Variants in PPP1R42 observed in about 807,000 individuals in gnomAD.
PPP1R42 encodes leucine rich repeat containing 67.
Under a neutral mutation model 31.0 loss-of-function variants are expected in PPP1R42, and 34 were observed. That is an observed-to-expected ratio of 1.10 (90% CI 0.83 to 1.46). The LOEUF (loss-of-function observed/expected upper bound fraction) is 1.46. PPP1R42 is among the 40% of genes most tolerant of loss of function. The probability of loss-of-function intolerance (pLI) is 0.00; values close to 1 mark genes in which losing one functional copy is unlikely to be tolerated. For synonymous variants in PPP1R42, 103 were observed against 109.8 expected, an observed-to-expected ratio of 0.94 and a Z score of 0.39; for missense variants, 268 against 303.0, an observed-to-expected ratio of 0.88 and a Z score of 0.86.
Position 67,028,474 on chromosome 8 carries a change from C to T in PPP1R42, c.-85+17G>A, listed in dbSNP as rs1471662765. On this transcript the variant is annotated intron_variant, in intron 1 of 7. Transcript: ENST00000685739. ...GGTTTCCTCGGTCCCCACGCTTATT[C>T]CCCGCGGGCAGCTCACCGCTCGCGG... 2 of 985,254 alleles carry T rather than the reference C, an allele frequency of 2.0e-6. No individual in the cohort carries two copies. The highest frequency in any genetic ancestry group is 1.7e-5 in the African/African-American group (1 of 57,252). 61.0% of individuals were successfully genotyped at this position (985,254 alleles called of 1,614,324 possible).
intron 5 of PPP1R42, among the ~76,000 whole-genome samples, chr8:67,001,708 A>G (rs1815496867): frequency 6.6e-6 from 1 of 152,220 alleles, no homozygotes; most frequent in Non-Finnish European, 1.5e-5. Context: ...ACAACAATAT[A>G]CCACTATTTT....
At chr8:66,993,956 G>T (rs1378626172) in intron 5 of PPP1R42, among the ~76,000 whole-genome samples, 1 of 152,152 alleles carries the variant, frequency 6.6e-6, no homozygotes, top group Non-Finnish European at 1.5e-5. Flanking sequence ...GCTAATTAGA[G>T]GTGCTGCAGA....
intron 5 of PPP1R42, among the ~76,000 whole-genome samples, chr8:66,993,481 T>A (rs1027368665): frequency 6.6e-6 from 1 of 152,232 alleles, no homozygotes; most frequent in Non-Finnish European, 1.5e-5. Context: ...ATCCCTCATA[T>A]TTGCCATGCT....
chr8:67,002,889 C>G (rs79219890), intron 5 of PPP1R42, among the ~76,000 whole-genome samples: 4,450 of 151,142 alleles, frequency 0.029, 77 homozygotes, highest in Non-Finnish European at 0.046. Context: ...CTTGGTGGCC[C>G]ACGCCTGTAA....
chr8:67,006,560 T>G (rs1232610396), intron 5 of PPP1R42, among the ~76,000 whole-genome samples: 2 of 152,060 alleles, frequency 1.3e-5, no homozygotes, highest in Non-Finnish European at 2.9e-5. Flanking sequence ...AGAGAAAAGG[T>G]CTTCTTGTGT....
intron 5 of PPP1R42, among the ~76,000 whole-genome samples, chr8:66,997,638 C>T (rs1378820146): frequency 6.6e-6 from 1 of 151,304 alleles, no homozygotes; most frequent in African/African-American, 2.4e-5. Flanking sequence ...CCACGACCTC[C>T]AGGGCTCATG....
At chr8:66,973,139 G>T (rs1364019465) in intron 7 of PPP1R42, among the ~76,000 whole-genome samples, 1 of 151,974 alleles carries the variant, frequency 6.6e-6, no homozygotes, top group African/African-American at 2.4e-5. Context: ...TTCTAATTCT[G>T]AGTGCTTTCC....
At position 67,010,094 on chromosome 8, in the gene PPP1R42, C is replaced by A. The variant is rs565101906; in HGVS notation, c.552+621G>T. ...ATCACAATACTTATAAAAACAGTAT[C>A]ATATTGTAGTCCCATTACTAGTTGA... is the stretch of plus-strand genomic sequence containing the variant. On this transcript the variant is annotated intron_variant, in intron 5 of 7. Transcript: ENST00000685739. Among the ~76,000 whole-genome samples the A allele has an allele frequency of 7.2e-5, 11 of 152,316 alleles. No individual in the cohort carries two copies. In the South Asian group the frequency reaches 2.3e-3, roughly 32 times the overall value.
intron 2 of PPP1R42, among the ~76,000 whole-genome samples, chr8:67,017,285 A>G (rs2129537035): frequency 6.6e-6 from 1 of 152,120 alleles, no homozygotes; most frequent in South Asian, 2.1e-4. Context: ...GAGCTCAAGA[A>G]CTCAACATGG....
chr8:67,006,679 A>AT (rs1236309049), intron 5 of PPP1R42, among the ~76,000 whole-genome samples: 4 of 100,616 alleles, frequency 4.0e-5, no homozygotes, highest in Non-Finnish European at 6.1e-5. Flanking sequence ...TTGCTTATGT[A>AT]TTTTTTTTAA....
chr8:66,978,493 G>A (rs1254306529), intron 7 of PPP1R42, among the ~76,000 whole-genome samples: 2 of 152,076 alleles, frequency 1.3e-5, no homozygotes, highest in South Asian at 2.1e-4. Context: ...GCAGTGGTGC[G>A]ATCTCAGCTC....
At chr8:66,985,847 G>T in intron 6 of PPP1R42, 1 of 1,202,364 alleles carries the variant, frequency 8.3e-7, no homozygotes, top group Non-Finnish European at 1.2e-6. Flanking sequence ...TGGAGGCCCA[G>T]GGATCACCTC....
At chr8:66,975,947 T>G (rs1334073437) in intron 7 of PPP1R42, among the ~76,000 whole-genome samples, 1 of 152,120 alleles carries the variant, frequency 6.6e-6, no homozygotes. Flanking sequence ...AGTGCAGGGG[T>G]CCCCAACCCC....
In PPP1R42 at chr8:66,976,342, A is replaced by G. The variant is rs558733444; in HGVS notation, c.802+5707T>C. ...CAATGTTAATAGAAATAAAGTGCAC[A>G]ATAAATGTAATGTACTTGTATCATC... On this transcript the variant is annotated intron_variant, in intron 7 of 7. Transcript: ENST00000685739. Among the ~76,000 whole-genome samples the G allele has an allele frequency of 1.5e-4, 23 of 152,330 alleles. 1 individual carries two copies. In the South Asian group the frequency reaches 3.9e-3, roughly 26 times the overall value.
At chr8:66,974,064 C>G (rs1814607005) in intron 7 of PPP1R42, among the ~76,000 whole-genome samples, 1 of 152,168 alleles carries the variant, frequency 6.6e-6, no homozygotes, top group South Asian at 2.1e-4. Flanking sequence ...ACTGATGTCT[C>G]TTGGAAATCC....
intron 3 of PPP1R42, 117 bp from the exon 4 acceptor site, chr8:67,013,213 T>G: frequency 2.6e-6 from 2 of 763,206 alleles, no homozygotes; most frequent in Non-Finnish European, 4.0e-6. Flanking sequence ...AAATGTGGAA[T>G]GTTGTGTTAT....
chr8:66,986,587 G>A (rs1004802045), intron 6 of PPP1R42, among the ~76,000 whole-genome samples: 1 of 152,186 alleles, frequency 6.6e-6, no homozygotes, highest in East Asian at 1.9e-4. Flanking sequence ...CAGAGCGCAT[G>A]CGTCGCAGAA....
intron 7 of PPP1R42, among the ~76,000 whole-genome samples, chr8:66,975,640 T>C (rs1209603958): frequency 1.3e-5 from 2 of 152,002 alleles, no homozygotes; most frequent in Non-Finnish European, 2.9e-5. Flanking sequence ...AGTGATACTC[T>C]ATCAAAAAAA....
chr8:66,993,003 TC>T (rs969089242), intron 5 of PPP1R42, among the ~76,000 whole-genome samples: 1 of 152,212 alleles, frequency 6.6e-6, no homozygotes, highest in African/African-American at 2.4e-5. Flanking sequence ...TGACATTTTC[TC>T]TGGAACATTT....
Sources: gnomAD v4.1 joint callset for allele counts (sites outside exome capture counted in the v4.1 genomes callset) on GRCh38, gnomAD v4.1.1 for gene constraint, MANE v1.5 for transcripts, NCBI Gene and HGNC (gene_info 2026-07-23, HGNC 2026-07-21) for gene names.